The following EPHA10 variants were observed in gnomAD, a reference collection of about 807,000 sequenced individuals.
The protein encoded by EPHA10 is EPH receptor A10, also known as ephrin type-A receptor 10.
In EPHA10, 120 loss-of-function variants were observed where a neutral mutation model predicts 109.7. The ratio of observed to expected loss-of-function variants is 1.09; its 90% CI spans 0.94 to 1.27. The LOEUF (loss-of-function observed/expected upper bound fraction) is 1.27, where lower values mean the gene tolerates loss of function less well. Among genes scored for constraint, EPHA10 ranks in the 50% most tolerant of loss-of-function variants. The pLI is 0.00. For missense variants in EPHA10, 1,396 were observed against 1,411.1 expected (o/e 0.99, Z 0.17); for synonymous variants, 640 against 618.9 (o/e 1.03, Z -0.51).
intron 6 of EPHA10, among the ~76,000 whole-genome samples, chr1:37,731,929 C>T (rs1053322132): frequency 2.0e-5 from 3 of 152,228 alleles, no homozygotes; most frequent in African/African-American, 7.2e-5. Context: ...GAGCCAGTGC[C>T]CTAGGCAGGC....
chr1:37,759,301 C>A (rs1349235140), intron 3 of EPHA10, among the ~76,000 whole-genome samples: 1 of 152,146 alleles, frequency 6.6e-6, no homozygotes, highest in Admixed American at 6.6e-5. Context: ...CTCCCACACC[C>A]CCACATGCCC....
chr1:37,761,372 C>A (rs1441098828), intron 3 of EPHA10, 33 bp downstream of exon 3: 7 of 1,596,406 alleles, frequency 4.4e-6, no homozygotes, highest in Admixed American at 1.7e-5. Context: ...ACGCTCTACA[C>A]TCCCACCCCA....
At chr1:37,741,234 T>C (rs550148308) in intron 5 of EPHA10, among the ~76,000 whole-genome samples, 1 of 152,344 alleles carries the variant, frequency 6.6e-6, no homozygotes, top group African/African-American at 2.4e-5. Flanking sequence ...AGCACCAGCA[T>C]TCCAGCAAGA....
chr1:37,738,248 T>A (rs536072120), intron 5 of EPHA10, among the ~76,000 whole-genome samples: 2 of 152,062 alleles, frequency 1.3e-5, no homozygotes, highest in South Asian at 4.1e-4. Context: ...GCATCTGTAA[T>A]CCCAGCTACT....
intron 8 of EPHA10, among the ~76,000 whole-genome samples, chr1:37,725,223 G>A (rs1012565548): frequency 1.3e-5 from 2 of 152,130 alleles, no homozygotes; most frequent in Admixed American, 6.5e-5. Context: ...ATTGGGGTGA[G>A]GCCAGGCATG....
chr1:37,752,391 G>A (rs941777812), intron 5 of EPHA10, among the ~76,000 whole-genome samples: 1 of 152,132 alleles, frequency 6.6e-6, no homozygotes, highest in Non-Finnish European at 1.5e-5. Flanking sequence ...TGGAGGTAAG[G>A]GACACAGGGC....
At position 37,718,798 on chromosome 1, in the gene EPHA10, C is replaced by T. The variant is rs610213; in HGVS notation, c.2775G>A (p.Ala925=). 2.2e-5 allele frequency: 35 copies of T among 1,611,684 alleles called. No homozygotes were observed. The African/African-American group carries it at 2.8e-4, about 13-fold the overall frequency. The change falls in exon 16 of 17, where the codon GCG becomes GCA. Residue 925 remains alanine, a synonymous_variant. Transcript: ENST00000373048. ...AGGGGAAGGTGGAGAAGGCACGGTC[C>T]GCTAGTGGGGTGGGAGGCCTGCGGG... The part of the protein sequence containing the change: ...TTCPRPPTPL[A]DRAFSTFPSF...
At position 37,717,722 on chromosome 1, in the gene EPHA10, A is replaced by G. The variant is rs1463472613; in HGVS notation, c.*650T>C. ...TGGCCTCACCCTGAACTGTCAGCCCAAGGCAGGGGGACACAGAAACCAGAT... is the reference window on the plus strand; with the variant it reads ...TGGCCTCACCCTGAACTGTCAGCCCGAGGCAGGGGGACACAGAAACCAGAT... On this transcript the variant is annotated 3_prime_UTR_variant, in exon 17 of 17. Transcript: ENST00000373048. The G allele has an allele frequency of 1.3e-5, 3 of 231,024 alleles. No individual in the cohort carries two copies. The highest frequency in any genetic ancestry group is 5.6e-5 in the Admixed American group (1 of 17,706). The allele number at this position is 231,024 out of a possible 1,614,324, so 14.3% of individuals were successfully genotyped here.
At chr1:37,735,525 G>A in intron 5 of EPHA10, 135 bp from the exon 6 acceptor site, 1 of 1,062,066 alleles carries the variant, frequency 9.4e-7, no homozygotes, top group South Asian at 1.6e-5. Context: ...ACGGGCTGTG[G>A]GCGGGGCTAG....
Position 37,761,787 on chromosome 1 carries a change from C to A in EPHA10, c.468G>T (p.Ala156=), listed in dbSNP as rs777161617. Residue 156 remains alanine (A), a synonymous_variant, in exon 3 of 17, where the codon GCG becomes GCT. Transcript: ENST00000373048. ...CGCCCTGCGTGAAGCTCTCGTCCGCCGCGATCGTGTCGATTTTGCGGGGCC... is the reference window on the plus strand; with the variant it reads ...CGCCCTGCGTGAAGCTCTCGTCCGCAGCGATCGTGTCGATTTTGCGGGGCC... ...GSRPRKIDTI[A]ADESFTQGDL... 5.6e-6 allele frequency: 9 copies of A among 1,613,738 alleles called. No homozygotes were observed. Among genetic ancestry groups the A allele is most frequent in the South Asian group, 1.1e-5 (1 of 91,052 alleles).
chr1:37,736,059 ATC>A (rs1646064503), intron 5 of EPHA10, among the ~76,000 whole-genome samples: 1 of 152,246 alleles, frequency 6.6e-6, no homozygotes, highest in Admixed American at 6.5e-5. Context: ...CAGGAAATTT[ATC>A]TCTGTTTACA....
chr1:37,733,913 A>G (rs977519318), intron 6 of EPHA10, among the ~76,000 whole-genome samples: 3 of 152,004 alleles, frequency 2.0e-5, no homozygotes, highest in Non-Finnish European at 4.4e-5. Flanking sequence ...GATGAGCAAA[A>G]CCAGGTTCAT....
chr1:37,761,357 C>T (rs1280111087), intron 3 of EPHA10, 48 bp downstream of exon 3: 2 of 1,588,116 alleles, frequency 1.3e-6, no homozygotes, highest in Non-Finnish European at 1.7e-6. Context: ...TCTCAATTGC[C>T]ACCTACGCTC....
chr1:37,762,176 A>G, intron 2 of EPHA10, 93 bp from the exon 3 acceptor site: 1 of 1,171,196 alleles, frequency 8.5e-7, no homozygotes, highest in East Asian at 2.4e-5. Flanking sequence ...TCTCTCATGC[A>G]CCATGCACAC....
chr1:37,715,846 T>C (rs1645683287), downstream of EPHA10: 1 of 535,116 alleles, frequency 1.9e-6, no homozygotes, highest in Non-Finnish European at 3.7e-6. Context: ...GGAGCAGTGT[T>C]GGACTCACCT....
intron 5 of EPHA10, among the ~76,000 whole-genome samples, chr1:37,743,495 C>A (rs1646185800): frequency 6.6e-6 from 1 of 152,228 alleles, no homozygotes; most frequent in South Asian, 2.1e-4. Flanking sequence ...TTAACAAAAT[C>A]ACAAACAGAA....
intron 5 of EPHA10, among the ~76,000 whole-genome samples, chr1:37,749,460 G>A (rs935169587): frequency 2.0e-5 from 3 of 151,666 alleles, no homozygotes; most frequent in Admixed American, 6.6e-5. Context: ...ATCACCTGAC[G>A]TCAAGAGTTC....
intron 5 of EPHA10, among the ~76,000 whole-genome samples, chr1:37,751,451 C>A (rs889974796): frequency 6.6e-6 from 1 of 151,458 alleles, no homozygotes; most frequent in African/African-American, 2.4e-5. Flanking sequence ...CACCTGTAAT[C>A]CCAGCTACTC....
At position 37,718,336 on chromosome 1, in the gene EPHA10, C is replaced by A; in HGVS notation, c.*36G>T. 6.5e-7 allele frequency: 1 copy of A among 1,539,722 alleles called. No homozygotes were observed. The highest frequency in any genetic ancestry group is 8.8e-7 in the Non-Finnish European group (1 of 1,131,942). On this transcript the variant is annotated 3_prime_UTR_variant, in exon 17 of 17. Transcript: ENST00000373048. ...TTGGGCAGGGCTGGGGGACTGGACC[C>A]CCACCGGAGTCCTGCCTTGGAAGAA... is the stretch of plus-strand genomic sequence containing the variant.
Sources: allele counts gnomAD v4.1 joint callset (sites outside exome capture counted in the v4.1 genomes callset), GRCh38; gene constraint gnomAD v4.1.1; transcripts MANE v1.5; gene names NCBI Gene and HGNC (gene_info 2026-07-23, HGNC 2026-07-21).